KCNQ3: variants seen among roughly 807,000 people sequenced by gnomAD.
KCNQ3 encodes potassium voltage-gated channel subfamily KQT member 3.
KCNQ3 carries 30 observed loss-of-function variants against 92.5 expected under a neutral mutation model. That is an observed-to-expected ratio of 0.32 (90% CI 0.24 to 0.44). KCNQ3 has a LOEUF of 0.44. KCNQ3 is among the 20% of genes least tolerant of loss of function. The pLI, the probability that KCNQ3 is intolerant of heterozygous loss-of-function variation, is 1.00. For missense variants in KCNQ3, 913 were observed against 1,140.3 expected (o/e 0.80, Z 2.87); for synonymous variants, 450 against 468.8 (o/e 0.96, Z 0.52).
chr8:132,175,154 G>A (rs1251470076), intron 5 of KCNQ3, among the ~76,000 whole-genome samples: 1 of 152,214 alleles, frequency 6.6e-6, no homozygotes, highest in Non-Finnish European at 1.5e-5. Context: ...GGGTTTGTTT[G>A]CACATGCATG....
In KCNQ3 at chr8:132,129,035, T is replaced by G; in HGVS notation, c.*227A>C. On this transcript the variant is annotated 3_prime_UTR_variant, in exon 15 of 15. Transcript: ENST00000388996. The surrounding 1 kb of genome is among the most constrained non-coding windows in gnomAD (Gnocchi z 5.9). ...ATCCTAGAAGAGATTAGCGGAACCATTTATATAGTGTAAAGTCATGCAAAC... is the reference window on the plus strand; with the variant it reads ...ATCCTAGAAGAGATTAGCGGAACCAGTTATATAGTGTAAAGTCATGCAAAC... 1.0e-5 allele frequency: 6 copies of G among 581,818 alleles called. No individual in the cohort carries two copies. The highest frequency in any genetic ancestry group is 3.0e-5 in the Admixed American group (1 of 33,328). The allele number at this position is 581,818 out of a possible 1,614,324, so 36.0% of individuals were successfully genotyped here. A position where few individuals can be genotyped will look rare whatever the true frequency, so the allele number is the denominator to read the frequency against.
In KCNQ3 at chr8:132,242,513, C is replaced by T. The variant is rs138399223; in HGVS notation, c.387-56332G>A. 1.9e-3 allele frequency among the ~76,000 whole-genome samples: 295 copies of T among 152,300 alleles called. 3 individuals carry two copies. Among genetic ancestry groups the T allele is most frequent in the African/African-American group, 6.9e-3 (285 of 41,566 alleles). On this transcript the variant is annotated intron_variant, in intron 1 of 14. Coordinates refer to ENST00000388996, the MANE Select transcript of KCNQ3 (RefSeq NM_004519.4). ...ATTTGAACCTAGAGCTCTCTGATTCCAGAGCTTAAGTTCAACATCTGTACT... is the reference window on the plus strand; with the variant it reads ...ATTTGAACCTAGAGCTCTCTGATTCTAGAGCTTAAGTTCAACATCTGTACT...
At chr8:132,472,954 T>G (rs1822328486) in intron 1 of KCNQ3, among the ~76,000 whole-genome samples, 1 of 152,188 alleles carries the variant, frequency 6.6e-6, no homozygotes, top group South Asian at 2.1e-4. Context: ...ATCTTAATAT[T>G]AGAAATAAAG....
At chr8:132,402,456 T>C (rs1380429872) in intron 1 of KCNQ3, among the ~76,000 whole-genome samples, 1 of 152,202 alleles carries the variant, frequency 6.6e-6, no homozygotes, top group Non-Finnish European at 1.5e-5. Flanking sequence ...AAAACTGTTA[T>C]TATGGGTAAG....
intron 8 of KCNQ3, among the ~76,000 whole-genome samples, chr8:132,168,517 A>G (rs1405148452): frequency 6.6e-6 from 1 of 152,106 alleles, no homozygotes; most frequent in Non-Finnish European, 1.5e-5. Flanking sequence ...TGAGGAGTGA[A>G]AGCAAGATAG....
chr8:132,151,434 T>C (rs548267382), intron 9 of KCNQ3, among the ~76,000 whole-genome samples: 4 of 152,198 alleles, frequency 2.6e-5, no homozygotes, highest in Non-Finnish European at 5.9e-5. Flanking sequence ...GCTAAAAGTT[T>C]AAACAAATGG....
chr8:132,206,559 A>G (rs1301194581), intron 1 of KCNQ3, among the ~76,000 whole-genome samples: 1 of 152,242 alleles, frequency 6.6e-6, no homozygotes, highest in African/African-American at 2.4e-5. Context: ...TTACAATGTG[A>G]TAGTCCACAT....
intron 13 of KCNQ3, 91 bp from the exon 14 acceptor site, chr8:132,132,355 C>T: frequency 3.3e-6 from 3 of 917,376 alleles, no homozygotes; most frequent in Non-Finnish European, 3.6e-6. Flanking sequence ...CCAACAGAGC[C>T]ATCGTTCTCA....
chr8:132,296,162 C>G (rs1793724741), intron 1 of KCNQ3, among the ~76,000 whole-genome samples: 1 of 152,190 alleles, frequency 6.6e-6, no homozygotes. Context: ...GTGGCCATTG[C>G]GTACCATATT....
Position 132,128,507 on chromosome 8 carries a change from A to ATATGTG in KCNQ3, c.*754_*755insCACATA, listed in dbSNP as rs886062685. On this transcript the variant is annotated 3_prime_UTR_variant, in exon 15 of 15. Coordinates refer to ENST00000388996, the MANE Select transcript of KCNQ3 (RefSeq NM_004519.4). The stretch of plus-strand genomic sequence containing the variant: ...ATTGGAAACTATTTTAACTTTGTGT[A>ATATGTG]TGTGTGTGTGTGTGTGTGTGTGTGT... The ATATGTG allele has an allele frequency of 3.0e-4, 44 of 145,188 alleles. No individual in the cohort carries two copies. The highest frequency in any genetic ancestry group is 6.3e-4 in the Non-Finnish European group (42 of 66,338). 9.0% of individuals were successfully genotyped at this position (145,188 alleles called of 1,614,324 possible).
intron 1 of KCNQ3, among the ~76,000 whole-genome samples, chr8:132,357,622 G>A (rs1167159581): frequency 6.6e-6 from 1 of 152,124 alleles, no homozygotes; most frequent in Non-Finnish European, 1.5e-5. Flanking sequence ...GGCACCACAG[G>A]CAGCTGCAGC....
intron 1 of KCNQ3, among the ~76,000 whole-genome samples, chr8:132,274,002 C>T (rs1036823490): frequency 3.3e-5 from 5 of 152,206 alleles, no homozygotes; most frequent in African/African-American, 1.2e-4. Context: ...TTCCTGTCTT[C>T]TGAGCCCTCC....
At chr8:132,142,690 G>C (rs554896826) in intron 9 of KCNQ3, among the ~76,000 whole-genome samples, 1 of 152,324 alleles carries the variant, frequency 6.6e-6, no homozygotes, top group South Asian at 2.1e-4. Flanking sequence ...ATAAATGAGA[G>C]AGTGAATGAA....
chr8:132,250,227 C>T (rs973263014), intron 1 of KCNQ3, among the ~76,000 whole-genome samples: 3 of 152,174 alleles, frequency 2.0e-5, no homozygotes, highest in Admixed American at 6.5e-5. Flanking sequence ...AGCAGTCTTG[C>T]CTCCAGGGGA....
chr8:132,207,151 C>T (rs1437530705), intron 1 of KCNQ3, among the ~76,000 whole-genome samples: 1 of 152,108 alleles, frequency 6.6e-6, no homozygotes, highest in African/African-American at 2.4e-5. Context: ...TTCTTTAAGA[C>T]CAACTCTTTA....
chr8:132,389,285 C>T (rs60797315), intron 1 of KCNQ3, among the ~76,000 whole-genome samples: 1,740 of 152,116 alleles, frequency 0.011, 29 homozygotes, highest in African/African-American at 0.04. Flanking sequence ...GGTGAAACCC[C>T]GTCTCTACCA....
chr8:132,353,225 G>C (rs919438137), intron 1 of KCNQ3, among the ~76,000 whole-genome samples: 2 of 151,678 alleles, frequency 1.3e-5, no homozygotes, highest in Non-Finnish European at 2.9e-5. Context: ...AAACTCCACA[G>C]CCCCCGACCC....
intron 1 of KCNQ3, among the ~76,000 whole-genome samples, chr8:132,465,085 C>T (rs1341746423): frequency 3.3e-5 from 5 of 152,166 alleles, no homozygotes; most frequent in Non-Finnish European, 4.4e-5. Flanking sequence ...TGTTCCAGAA[C>T]TGTGAAGGGG....
intron 1 of KCNQ3, among the ~76,000 whole-genome samples, chr8:132,439,510 C>T (rs987319929): frequency 6.6e-6 from 1 of 152,058 alleles, no homozygotes; most frequent in Non-Finnish European, 1.5e-5. Flanking sequence ...GGTTACATGG[C>T]AAAGGGGAGT....
Sources: gnomAD v4.1 joint callset for allele counts (sites outside exome capture counted in the v4.1 genomes callset) on GRCh38, gnomAD v4.1.1 for gene constraint, Gnocchi (gnomAD v3.1) non-coding constraint, MANE v1.5 for transcripts, NCBI Gene and HGNC (gene_info 2026-07-23, HGNC 2026-07-21) for gene names.